CFAP20DC: variants seen among roughly 807,000 people sequenced by gnomAD.
CFAP20DC encodes the protein protein CFAP20DC.
Under a neutral mutation model 101.7 loss-of-function variants are expected in CFAP20DC, and 84 were observed. That is an observed-to-expected ratio of 0.83 (90% CI 0.69 to 0.99). The LOEUF (loss-of-function observed/expected upper bound fraction) is 0.99, where lower values mean the gene tolerates loss of function less well. Among genes scored for constraint, CFAP20DC ranks in the 50% least tolerant of loss-of-function variants. The pLI is 0.00. For synonymous variants in CFAP20DC, 359 were observed against 351.2 expected (o/e 1.02, Z -0.25); for missense variants, 1,007 against 970.3 (o/e 1.04, Z -0.50).
chr3:58,718,778 T>A (rs918012570), intron 3 of CFAP20DC, among the ~76,000 whole-genome samples: 1 of 152,236 alleles, frequency 6.6e-6, no homozygotes, highest in South Asian at 2.1e-4. Context: ...CCTGGTCCAA[T>A]TGGCCTGCTC....
intron 15 of CFAP20DC, among the ~76,000 whole-genome samples, chr3:58,785,803 ACTCT>A (rs2072280720): frequency 6.6e-6 from 1 of 151,886 alleles, no homozygotes; most frequent in South Asian, 2.1e-4. Context: ...CACAGGAAAA[ACTCT>A]CTCTACTTTC....
In CFAP20DC at chr3:58,892,548, A is replaced by G. The variant is rs375358546; in HGVS notation, c.551-7839T>C. ...TAGTCCTCCTTGAAGAGGTCCTTCA[A>G]TTCCTTTGTTAATTGTATTCCTAGA... is the stretch of plus-strand genomic sequence containing the variant. On this transcript the variant is annotated intron_variant, in intron 6 of 16. Transcript: ENST00000482387. The surrounding 1 kb of genome is among the most constrained non-coding windows in gnomAD (Gnocchi z 4.0). Among the ~76,000 whole-genome samples the G allele has an allele frequency of 6.6e-6, 1 of 152,038 alleles. No homozygotes were observed. The highest frequency in any genetic ancestry group is 1.5e-5 in the Non-Finnish European group (1 of 68,000).
chr3:58,911,523 A>G (rs535758879), intron 6 of CFAP20DC, among the ~76,000 whole-genome samples: 1 of 152,140 alleles, frequency 6.6e-6, no homozygotes, highest in Non-Finnish European at 1.5e-5. Flanking sequence ...TGGTGGTTAC[A>G]GAAATGTGTT....
At chr3:58,983,580 C>G (rs2092656657) in intron 4 of CFAP20DC, among the ~76,000 whole-genome samples, 1 of 152,110 alleles carries the variant, frequency 6.6e-6, no homozygotes, top group African/African-American at 2.4e-5. Context: ...TCTTATTCTA[C>G]TCAAAGATTT....
chr3:58,859,562 C>T lies in CFAP20DC; in HGVS notation c.1593+3996G>A, dbSNP rs1473222741. ...CAATACAAAGCCAAGTCACAAGGAC[C>T]AAGAGACCTGTGACTTTTTCAGAGA... On this transcript the variant is annotated intron_variant, in intron 12 of 16. Coordinates refer to ENST00000482387, the MANE Select transcript of CFAP20DC (RefSeq NM_001394063.1). The surrounding 1 kb of genome is among the most constrained non-coding windows in gnomAD (Gnocchi z 4.1). Among the ~76,000 whole-genome samples the T allele has an allele frequency of 6.6e-6, 1 of 152,024 alleles. No homozygotes were observed. The highest frequency in any genetic ancestry group is 1.5e-5 in the Non-Finnish European group (1 of 68,008).
chr3:58,733,599 G>A (rs923763427), intron 3 of CFAP20DC, among the ~76,000 whole-genome samples: 7 of 152,174 alleles, frequency 4.6e-5, no homozygotes, highest in African/African-American at 1.7e-4. Flanking sequence ...TGTTGATTTG[G>A]TCTTGGATTC....
intron 3 of CFAP20DC, among the ~76,000 whole-genome samples, chr3:59,042,648 C>T (rs1265638037): frequency 6.6e-6 from 1 of 152,042 alleles, no homozygotes; most frequent in Non-Finnish European, 1.5e-5. Flanking sequence ...AGAGATGGGA[C>T]ATTTTTAGTG....
At chr3:58,876,660 T>C (rs1037968250) in intron 7 of CFAP20DC, among the ~76,000 whole-genome samples, 1 of 152,144 alleles carries the variant, frequency 6.6e-6, no homozygotes, top group Non-Finnish European at 1.5e-5. Context: ...AATTGTCTTT[T>C]AGAAAAATAA....
At chr3:58,835,066 T>C (rs2076645919) in intron 13 of CFAP20DC, among the ~76,000 whole-genome samples, 2 of 152,156 alleles carry the variant, frequency 1.3e-5, no homozygotes, top group African/African-American at 2.4e-5. Flanking sequence ...ATCCCTGTTC[T>C]TATTATTTTT....
At chr3:58,993,823 A>G (rs557073600) in intron 4 of CFAP20DC, among the ~76,000 whole-genome samples, 2 of 152,270 alleles carry the variant, frequency 1.3e-5, no homozygotes, top group African/African-American at 4.8e-5. Flanking sequence ...TTCTTTATCC[A>G]GTCTATCAAT....
intron 4 of CFAP20DC, among the ~76,000 whole-genome samples, chr3:59,031,216 G>T (rs1208609413): frequency 6.6e-6 from 1 of 152,118 alleles, no homozygotes; most frequent in Non-Finnish European, 1.5e-5. Context: ...GCTTAATTTT[G>T]CATAGAAAAA....
intron 4 of CFAP20DC, chr3:59,018,740 A>G (rs1393862233): frequency 2.6e-5 from 4 of 152,174 alleles, no homozygotes; most frequent in African/African-American, 9.6e-5. Flanking sequence ...GATCAAAAAC[A>G]TAATTGCTAT....
intron 14 of CFAP20DC, among the ~76,000 whole-genome samples, chr3:58,808,537 C>T (rs532021923): frequency 2.1e-4 from 32 of 152,278 alleles, no homozygotes; most frequent in South Asian, 2.1e-3. Context: ...CACCACCAGC[C>T]CTGCCCTAAA....
chr3:58,861,929 C>T lies in CFAP20DC; in HGVS notation c.1593+1629G>A, dbSNP rs1033847999. The T allele has an allele frequency of 2.2e-5, 22 of 985,054 alleles. No individual in the cohort carries two copies. The highest frequency in any genetic ancestry group is 2.7e-5 in the Non-Finnish European group (22 of 829,746). The allele number at this position is 985,054 out of a possible 1,614,324, so 61.0% of individuals were successfully genotyped here. A position where few individuals can be genotyped will look rare whatever the true frequency, so the allele number is the denominator to read the frequency against. ...AACAAATACACATCTGCATAATAAACGTTGAAGGATGTCAGAGGCAGAGTA... is the reference window on the plus strand; with the variant it reads ...AACAAATACACATCTGCATAATAAATGTTGAAGGATGTCAGAGGCAGAGTA... On this transcript the variant is annotated intron_variant, in intron 12 of 16. Coordinates refer to ENST00000482387, the MANE Select transcript of CFAP20DC (RefSeq NM_001394063.1). The surrounding 1 kb of genome is among the most constrained non-coding windows in gnomAD (Gnocchi z 4.0).
chr3:59,022,698 T>C (rs774901109), intron 4 of CFAP20DC, among the ~76,000 whole-genome samples: 3 of 152,100 alleles, frequency 2.0e-5, no homozygotes, highest in Admixed American at 1.3e-4. Context: ...TTGTTTGAAA[T>C]AGTTTATTAT....
At chr3:58,906,130 C>T (rs559150843) in intron 6 of CFAP20DC, among the ~76,000 whole-genome samples, 72 of 152,252 alleles carry the variant, frequency 4.7e-4, no homozygotes, top group African/African-American at 1.6e-3. Flanking sequence ...GTTATGAACA[C>T]TAGGTAAGTT....
rs1337546374 is a variant in CFAP20DC at position 58,753,822 on chromosome 3, C to G, written c.2279G>C (p.Ser760Thr). 3 of 1,612,758 alleles carry G rather than the reference C, an allele frequency of 1.9e-6. No homozygotes were observed. In the African/African-American group the frequency reaches 4.0e-5, roughly 22 times the overall value. ...TGGACGCTGCTCAGCCGGCTGTTGA[C>G]TGGGAGGAACGATTGGTGGGCTCAA... is the stretch of plus-strand genomic sequence containing the variant. ...NMLSPPIVPP[S>T]QQPAEQRPDS... The change falls in exon 16 of 17, where the codon AGT (serine) becomes ACT (threonine). Residue 760 changes from serine (S) to threonine (T), a missense_variant. Coordinates refer to ENST00000482387, the MANE Select transcript of CFAP20DC (RefSeq NM_001394063.1).
intron 4 of CFAP20DC, among the ~76,000 whole-genome samples, chr3:59,020,173 G>A (rs955039314): frequency 4.6e-5 from 7 of 151,800 alleles, no homozygotes; most frequent in African/African-American, 1.2e-4. Flanking sequence ...TAATAAATAC[G>A]TTTTAAATCA....
chr3:58,935,294 A>G (rs1434772808), intron 5 of CFAP20DC, among the ~76,000 whole-genome samples: 1 of 151,968 alleles, frequency 6.6e-6, no homozygotes, highest in Non-Finnish European at 1.5e-5. Context: ...AAATGGAAGA[A>G]CATTCCATGC....
Sources: allele counts gnomAD v4.1 joint callset (sites outside exome capture counted in the v4.1 genomes callset), GRCh38; gene constraint gnomAD v4.1.1; non-coding constraint Gnocchi (gnomAD v3.1); transcripts MANE v1.5; gene names NCBI Gene and HGNC (gene_info 2026-07-23, HGNC 2026-07-21).